TRIM37: variants seen among roughly 807,000 people sequenced by gnomAD.
The protein encoded by TRIM37 is tripartite motif containing 37, also known as E3 ubiquitin-protein ligase TRIM37.
TRIM37 carries 80 observed loss-of-function variants against 129.8 expected under a neutral mutation model. That is an observed-to-expected ratio of 0.62 (90% CI 0.51 to 0.74). TRIM37 has a LOEUF of 0.74. TRIM37 is among the 30% of genes least tolerant of loss of function. TRIM37 has a pLI of 0.00. For missense variants in TRIM37, 1,054 were observed against 1,176.5 expected (o/e 0.90, Z 1.52); for synonymous variants, 389 against 387.1 (o/e 1.00, Z -0.06).
intron 17 of TRIM37, among the ~76,000 whole-genome samples, chr17:59,034,523 C>G (rs1253238902): frequency 6.6e-6 from 1 of 151,870 alleles, no homozygotes. Flanking sequence ...CCATGCCTGG[C>G]TAATTTTGTA....
chr17:58,980,427 TGAG>T, downstream of TRIM37: 1 of 1,614,176 alleles, frequency 6.2e-7, no homozygotes, highest in Non-Finnish European at 8.5e-7. This position sits in a 1 kb window ranked among gnomAD's most constrained non-coding sequence, Gnocchi z 4.7. Context: ...AGAACTAGCC[TGAG>T]CCCAGGGTCC....
chr17:58,997,239 A>C (rs907110468), downstream of TRIM37, among the ~76,000 whole-genome samples: 2 of 152,376 alleles, frequency 1.3e-5, no homozygotes, highest in South Asian at 4.1e-4. Context: ...GAAGCTGGGC[A>C]GAGGGTATAC....
intron 13 of TRIM37, among the ~76,000 whole-genome samples, chr17:59,054,359 T>G (rs1338582363): frequency 6.6e-6 from 1 of 152,170 alleles, no homozygotes; most frequent in Non-Finnish European, 1.5e-5. Flanking sequence ...TGGAGTGCAC[T>G]GGTGAAATCT....
chr17:59,080,769 C>T (rs905352010), intron 6 of TRIM37, among the ~76,000 whole-genome samples: 3 of 151,782 alleles, frequency 2.0e-5, no homozygotes, highest in African/African-American at 4.8e-5. Context: ...CCAGCCTGGG[C>T]GACAAGAGTG....
chr17:58,969,606 C>T, the TRIM37 span: 1 of 1,614,108 alleles, frequency 6.2e-7, no homozygotes, highest in East Asian at 2.2e-5. Flanking sequence ...GCTATTTATG[C>T]CTCCATTCAC....
At chr17:59,068,108 T>C (rs1160236163) in intron 9 of TRIM37, among the ~76,000 whole-genome samples, 1 of 152,202 alleles carries the variant, frequency 6.6e-6, no homozygotes, top group Admixed American at 6.5e-5. Context: ...AGGTTTCTAA[T>C]AAGAATTAAA....
chr17:59,054,212 A>C (rs2040613670), intron 13 of TRIM37, among the ~76,000 whole-genome samples: 1 of 152,228 alleles, frequency 6.6e-6, no homozygotes, highest in Non-Finnish European at 1.5e-5. Context: ...TCAGTTCAGA[A>C]CATATTTTAA....
intron 19 of TRIM37, among the ~76,000 whole-genome samples, chr17:59,027,539 CTCT>C (rs2037376736): frequency 6.6e-6 from 1 of 152,120 alleles, no homozygotes; most frequent in Non-Finnish European, 1.5e-5. Context: ...GAACAAGCCC[CTCT>C]ATCCATTATT....
the TRIM37 span, among the ~76,000 whole-genome samples, chr17:58,971,379 A>T: frequency 6.6e-6 from 1 of 152,300 alleles, no homozygotes; most frequent in East Asian, 1.9e-4. Context: ...CCAGGTCCTT[A>T]GTAACAGAAA....
chr17:59,017,026 G>T (rs535123981), intron 20 of TRIM37, among the ~76,000 whole-genome samples: 1 of 151,912 alleles, frequency 6.6e-6, no homozygotes, highest in Non-Finnish European at 1.5e-5. Flanking sequence ...TTAGCTAGGC[G>T]TAGTGGTGCA....
At position 58,999,138 on chromosome 17, in the gene TRIM37, A is replaced by G; in HGVS notation, c.*239T>C. On this transcript the variant is annotated 3_prime_UTR_variant, in exon 24 of 24. Coordinates refer to ENST00000262294, the MANE Select transcript of TRIM37 (RefSeq NM_015294.6). ...TACAAATTTGCTAAATTAATAGAGAACTACATTGTTATTTCCTTACATTAC... is the reference window on the plus strand; with the variant it reads ...TACAAATTTGCTAAATTAATAGAGAGCTACATTGTTATTTCCTTACATTAC... 1 of 1,337,180 alleles carries G rather than the reference A, an allele frequency of 7.5e-7. No homozygotes were observed. Among genetic ancestry groups the G allele is most frequent in the South Asian group, 1.6e-5 (1 of 60,914 alleles). 82.8% of individuals were successfully genotyped at this position (1,337,180 alleles called of 1,614,324 possible). A position where few individuals can be genotyped will look rare whatever the true frequency, so the allele number is the denominator to read the frequency against.
intron 22 of TRIM37, among the ~76,000 whole-genome samples, chr17:59,009,712 T>A (rs539075949): frequency 6.6e-6 from 1 of 152,220 alleles, no homozygotes; most frequent in East Asian, 1.9e-4. Flanking sequence ...TCCCAAAGTG[T>A]TGGGACTACA....
At chr17:58,986,370 A>T (rs1233560846) in intron 24 of TRIM37, among the ~76,000 whole-genome samples, 1 of 150,004 alleles carries the variant, frequency 6.7e-6, no homozygotes, top group East Asian at 2.0e-4. Flanking sequence ...AGCTCATTTT[A>T]TTATTATTAG....
chr17:59,043,675 T>G (rs1399781040), intron 16 of TRIM37, among the ~76,000 whole-genome samples: 2 of 152,196 alleles, frequency 1.3e-5, no homozygotes, highest in Non-Finnish European at 2.9e-5. Context: ...ATGCTCTACC[T>G]GGATGCAGCA....
In TRIM37 at chr17:59,081,167, G is replaced by A; in HGVS notation, c.422C>T (p.Thr141Ile). Reference sequence around the variant, plus strand: ...TTTGGCTACCTCTTCATTCACTTTAGTGACGTGTTGCTCATAAATTTCTGC... The same window carrying A: ...TTTGGCTACCTCTTCATTCACTTTAATGACGTGTTGCTCATAAATTTCTGC... ...PLAEIYEQHV[T>I]KVNEEVAKLR... is the part of the protein sequence containing the mutation. Residue 141 changes from threonine (T) to isoleucine (I), a missense_variant, in exon 6 of 24, where the codon ACT (threonine) becomes ATT (isoleucine). Transcript: ENST00000262294. 1 of 1,613,894 alleles carries A rather than the reference G, an allele frequency of 6.2e-7. No individual in the cohort carries two copies. Among genetic ancestry groups the A allele is most frequent in the Non-Finnish European group, 8.5e-7 (1 of 1,179,894 alleles).
At chr17:58,969,551 C>T in the TRIM37 span, 1 of 1,614,182 alleles carries the variant, frequency 6.2e-7, no homozygotes, top group Non-Finnish European at 8.5e-7. Context: ...CCAGGAAGAA[C>T]AAGCTTACTT....
At chr17:58,973,834 C>T in the TRIM37 span, among the ~76,000 whole-genome samples, 30 of 151,692 alleles carry the variant, frequency 2.0e-4, no homozygotes, top group African/African-American at 6.8e-4. Context: ...CGTCTGTAGT[C>T]CCAGCTACTT....
rs2033803870 is a variant in TRIM37, at chr17:59,001,730, G to A, written c.2696-16C>T. The A allele has an allele frequency of 1.2e-6, 2 of 1,613,532 alleles. No homozygotes were observed. The highest frequency in any genetic ancestry group is 1.7e-6 in the Non-Finnish European group (2 of 1,179,870). On this transcript the variant is annotated splice_polypyrimidine_tract_variant and intron_variant, in intron 22 of 23. Coordinates refer to ENST00000262294, the MANE Select transcript of TRIM37 (RefSeq NM_015294.6). ...CTACTCATTCCTGGCAGGAAGGAAG[G>A]AGAACATGTTTCTGAAAAGAAACCA...
Position 59,104,298 on chromosome 17 carries a change from T to C in TRIM37, c.118A>G (p.Ile40Val). The C allele has an allele frequency of 6.2e-7, 1 of 1,613,946 alleles. No individual in the cohort carries two copies. The highest frequency in any genetic ancestry group is 8.5e-7 in the Non-Finnish European group (1 of 1,179,786). The change falls in exon 2 of 24, where the codon ATT becomes GTT. Residue 40 changes from isoleucine (I) to valine (V), a missense_variant. Around this residue, in one of 3 missense-constraint regions of TRIM37, gnomAD observed 752 missense variants for 870.8 expected, o/e 0.86. Transcript: ENST00000262294. ...TAAAAAGAAATACAACTTACCCTAA[T>C]ACAGCTGAAACAACACAGTTTGGAG... Reference protein sequence around the residue: ...HCSKLCCFSCIRRWLTEQRAQ... With the variant: ...HCSKLCCFSCVRRWLTEQRAQ...
Sources: gnomAD v4.1 joint callset for allele counts (sites outside exome capture counted in the v4.1 genomes callset) on GRCh38, gnomAD v4.1.1 for gene constraint, gnomAD v4.1.1 regional missense constraint, Gnocchi (gnomAD v3.1) non-coding constraint, MANE v1.5 for transcripts, NCBI Gene and HGNC (gene_info 2026-07-23, HGNC 2026-07-21) for gene names.